Variants in ATF7 observed in about 807,000 individuals in gnomAD.
ATF7 encodes the protein cyclic AMP-dependent transcription factor ATF-7.
Under a neutral mutation model 50.4 loss-of-function variants are expected in ATF7, and 10 were observed. The observed-to-expected ratio is 0.20, with a 90% CI of 0.12 to 0.34. The LOEUF (loss-of-function observed/expected upper bound fraction) is 0.34. Ranked by LOEUF, ATF7 falls within the 10% of genes least tolerant of loss-of-function variation. The pLI, the probability that ATF7 is intolerant of heterozygous loss-of-function variation, is 1.00. For missense variants in ATF7, 465 were observed against 613.9 expected, an observed-to-expected ratio of 0.76 and a Z score of 2.56; for synonymous variants, 201 against 226.4, an observed-to-expected ratio of 0.89 and a Z score of 1.01.
intron 11 of ATF7, among the ~76,000 whole-genome samples, chr12:53,522,887 T>C (rs968226544): frequency 1.3e-5 from 2 of 152,080 alleles, no homozygotes; most frequent in Non-Finnish European, 2.9e-5. Flanking sequence ...AAACAAAACA[T>C]AGATGTAAAT....
chr12:53,601,982 A>G (rs1051167548), intron 1 of ATF7, among the ~76,000 whole-genome samples: 1 of 152,252 alleles, frequency 6.6e-6, no homozygotes, highest in South Asian at 2.1e-4. Flanking sequence ...TCCAATCTGA[A>G]TGTGTGGGAG....
intron 9 of ATF7, among the ~76,000 whole-genome samples, chr12:53,528,614 T>C (rs549514476): frequency 1.3e-5 from 2 of 152,082 alleles, no homozygotes; most frequent in African/African-American, 4.8e-5. Flanking sequence ...AATACAAAAA[T>C]TAGCTGGGCA....
chr12:53,582,658 A>C (rs976534591), intron 2 of ATF7, among the ~76,000 whole-genome samples: 1 of 152,194 alleles, frequency 6.6e-6, no homozygotes, highest in African/African-American at 2.4e-5. Context: ...GGTTCACTGC[A>C]AGCTCCGCCT....
chr12:53,588,407 A>G (rs1455004547), intron 2 of ATF7, among the ~76,000 whole-genome samples: 4 of 152,234 alleles, frequency 2.6e-5, no homozygotes, highest in Admixed American at 2.0e-4. Context: ...ATGTCAGAGA[A>G]TAAGCAAGTT....
At chr12:53,596,854 A>G (rs1243680729) in intron 2 of ATF7, among the ~76,000 whole-genome samples, 1 of 152,220 alleles carries the variant, frequency 6.6e-6, no homozygotes, top group African/African-American at 2.4e-5. Context: ...TTATAGTCAC[A>G]ATGTCTTTAA....
intron 2 of ATF7, among the ~76,000 whole-genome samples, chr12:53,593,028 TAAAG>T (rs1336526164): frequency 6.6e-6 from 1 of 152,206 alleles, no homozygotes; most frequent in African/African-American, 2.4e-5. Flanking sequence ...CATTTGGTTA[TAAAG>T]ACTCTATTAG....
intron 2 of ATF7, among the ~76,000 whole-genome samples, chr12:53,583,834 C>T (rs1942551266): frequency 6.6e-6 from 1 of 152,144 alleles, no homozygotes; most frequent in East Asian, 1.9e-4. Context: ...ACAAAGAACT[C>T]TTAAAACTGA....
chr12:53,585,632 A>C lies in ATF7; in HGVS notation c.48+15321T>G, dbSNP rs142214650. 1.1e-3 allele frequency among the ~76,000 whole-genome samples: 160 copies of C among 152,344 alleles called. 1 individual carries two copies. Among genetic ancestry groups the C allele is most frequent in the African/African-American group, 3.7e-3 (153 of 41,580 alleles). Reference sequence around the variant, plus strand: ...TTCATTCTCATACAGTGCTCAGAAAAGACAGAAAACCAAAGCATAGCAGAA... The same window carrying C: ...TTCATTCTCATACAGTGCTCAGAAACGACAGAAAACCAAAGCATAGCAGAA... On this transcript the variant is annotated intron_variant, in intron 2 of 11. Transcript: ENST00000420353.
At position 53,524,944 on chromosome 12, in the gene ATF7, A is replaced by C. The variant is rs1344527339; in HGVS notation, c.928-183T>G. The stretch of plus-strand genomic sequence containing the variant: ...GTAGGAGTCCTCAATTTTGCCTCCT[A>C]TTTCCTTCCAGTCTTCTCAGTCTCA... On this transcript the variant is annotated intron_variant, in intron 9 of 11. Coordinates refer to ENST00000420353, the MANE Select transcript of ATF7 (RefSeq NM_006856.3). This position sits in a 1 kb window ranked among gnomAD's most constrained non-coding sequence, Gnocchi z 4.6. The C allele has an allele frequency of 7.0e-6, 4 of 571,720 alleles. No homozygotes were observed. The highest frequency in any genetic ancestry group is 1.2e-5 in the Non-Finnish European group (4 of 333,458). The allele number at this position is 571,720 out of a possible 1,614,324, so 35.4% of individuals were successfully genotyped here.
At chr12:53,529,884 G>A (rs1435330933) in intron 9 of ATF7, among the ~76,000 whole-genome samples, 2 of 151,068 alleles carry the variant, frequency 1.3e-5, no homozygotes, top group Non-Finnish European at 2.9e-5. Flanking sequence ...GGGATTACAG[G>A]CGTGCGCCAC....
At position 53,514,822 on chromosome 12, in the gene ATF7, G is replaced by A. The variant is rs1208764093; in HGVS notation, c.*2315C>T. On this transcript the variant is annotated 3_prime_UTR_variant, in exon 12 of 12. Coordinates refer to ENST00000420353, the MANE Select transcript of ATF7 (RefSeq NM_006856.3). ...TTCTTAACTGTAAAAACACTTGACTGAAGGGGGAAGAAAAATAGTCAAGAG... is the reference window on the plus strand; with the variant it reads ...TTCTTAACTGTAAAAACACTTGACTAAAGGGGGAAGAAAAATAGTCAAGAG... 2 of 152,204 alleles carry A rather than the reference G, an allele frequency of 1.3e-5. No homozygotes were observed. Among genetic ancestry groups the A allele is most frequent in the South Asian group, 2.1e-4 (1 of 4,832 alleles). 9.4% of individuals were successfully genotyped at this position (152,204 alleles called of 1,614,324 possible). A position where few individuals can be genotyped will look rare whatever the true frequency, so the allele number is the denominator to read the frequency against.
chr12:53,528,594 C>G (rs796868509), intron 9 of ATF7, among the ~76,000 whole-genome samples: 12 of 152,064 alleles, frequency 7.9e-5, no homozygotes. Context: ...GAAACCCCGT[C>G]TCTACTGAAA....
intron 2 of ATF7, among the ~76,000 whole-genome samples, chr12:53,578,334 C>CTCTA (rs1484795516): frequency 7.1e-6 from 1 of 141,684 alleles, no homozygotes; most frequent in Non-Finnish European, 1.5e-5. Context: ...CACCACTGCA[C>CTCTA]TCTAGCCTGG....
chr12:53,546,719 G>C (rs1167425072), intron 3 of ATF7, among the ~76,000 whole-genome samples: 1 of 151,372 alleles, frequency 6.6e-6, no homozygotes, highest in Non-Finnish European at 1.5e-5. Flanking sequence ...CAAAGTGCTG[G>C]GATTACAGGC....
chr12:53,547,318 A>C (rs1592840421), intron 3 of ATF7, among the ~76,000 whole-genome samples: 3 of 87,920 alleles, frequency 3.4e-5, no homozygotes, highest in Admixed American at 3.4e-4. Context: ...ACAGAGTCTC[A>C]CTCTGTTACC....
chr12:53,529,688 TAA>T (rs1938732377), intron 9 of ATF7, among the ~76,000 whole-genome samples: 19 of 131,998 alleles, frequency 1.4e-4, no homozygotes, highest in African/African-American at 5.5e-4. Context: ...CACATATATA[TAA>T]ATACATATAT....
intron 1 of ATF7, among the ~76,000 whole-genome samples, chr12:53,618,060 T>G (rs1420460512): frequency 6.6e-6 from 1 of 152,242 alleles, no homozygotes; most frequent in Non-Finnish European, 1.5e-5. Context: ...ATAAAATGAC[T>G]CCAATGCAAA....
Position 53,562,287 on chromosome 12 carries a change from T to C in ATF7, c.49-9650A>G, listed in dbSNP as rs528117352. ...CAGTAGGTGCTTAATATTTGTTGAA[T>C]AAATGCCAACTAGCACGTCTCACTA... On this transcript the variant is annotated intron_variant, in intron 2 of 11. Transcript: ENST00000420353. Among the ~76,000 whole-genome samples the C allele has an allele frequency of 1.2e-4, 19 of 152,340 alleles. No individual in the cohort carries two copies. In the East Asian group the frequency reaches 2.3e-3, roughly 19 times the overall value.
At chr12:53,613,296 T>C (rs1943978289) in intron 1 of ATF7, among the ~76,000 whole-genome samples, 1 of 152,224 alleles carries the variant, frequency 6.6e-6, no homozygotes, top group Non-Finnish European at 1.5e-5. Flanking sequence ...GAAGCAGATA[T>C]GAGAATCCAG....
Sources: allele counts gnomAD v4.1 joint callset (sites outside exome capture counted in the v4.1 genomes callset), GRCh38; gene constraint gnomAD v4.1.1; non-coding constraint Gnocchi (gnomAD v3.1); transcripts MANE v1.5; gene names NCBI Gene and HGNC (gene_info 2026-07-23, HGNC 2026-07-21).